GLCE: variants seen among roughly 807,000 people sequenced by gnomAD.
GLCE encodes glucuronic acid epimerase, also known as D-glucuronyl C5-epimerase.
A neutral mutation model predicts 47.9 loss-of-function variants in GLCE; 19 were observed. The observed-to-expected ratio is 0.40, with a 90% CI of 0.28 to 0.58. The LOEUF (loss-of-function observed/expected upper bound fraction) is 0.58. Among genes scored for constraint, GLCE ranks in the 20% least tolerant of loss-of-function variants. GLCE has a pLI of 0.48. For synonymous variants in GLCE, 245 were observed against 263.4 expected (o/e 0.93, Z 0.68); for missense variants, 556 against 743.3 (o/e 0.75, Z 2.93).
intron 4 of GLCE, among the ~76,000 whole-genome samples, chr15:69,267,299 A>G (rs960869585): frequency 2.6e-5 from 4 of 152,308 alleles, no homozygotes; most frequent in Middle Eastern, 3.4e-3. Context: ...CTTTCTTAAA[A>G]TCCTCACAAT....
chr15:69,231,371 C>T (rs937819000), intron 2 of GLCE, among the ~76,000 whole-genome samples: 1 of 151,694 alleles, frequency 6.6e-6, no homozygotes, highest in Non-Finnish European at 1.5e-5. Context: ...GTAAACTCCA[C>T]CTCCCGGGTT....
chr15:69,178,491 T>A (rs2051704798), intron 1 of GLCE, among the ~76,000 whole-genome samples: 1 of 152,126 alleles, frequency 6.6e-6, no homozygotes, highest in Admixed American at 6.5e-5. Context: ...ATCATCTACC[T>A]CAAGGGACTG....
At chr15:69,180,010 CCAAAAGAACG>C (rs566744595) in intron 1 of GLCE, among the ~76,000 whole-genome samples, 178 of 151,938 alleles carry the variant, frequency 1.2e-3, no homozygotes, top group African/African-American at 4.2e-3. Context: ...ATAACAAGTG[CCAAAAGAACG>C]TATTTATTGC....
chr15:69,212,858 A>G (rs534859416), intron 2 of GLCE, among the ~76,000 whole-genome samples: 2 of 152,212 alleles, frequency 1.3e-5, no homozygotes, highest in Admixed American at 6.5e-5. Flanking sequence ...ATTTATCCTC[A>G]TAGGAGACAG....
intron 2 of GLCE, among the ~76,000 whole-genome samples, chr15:69,252,941 T>C (rs2052866908): frequency 6.6e-6 from 1 of 152,194 alleles, no homozygotes; most frequent in Non-Finnish European, 1.5e-5. Context: ...TAAAAATGTA[T>C]TATTGGGTTT....
At chr15:69,221,283 A>G (rs1037313769) in intron 2 of GLCE, among the ~76,000 whole-genome samples, 2 of 152,222 alleles carry the variant, frequency 1.3e-5, no homozygotes, top group African/African-American at 4.8e-5. Context: ...CGTGAAAAAC[A>G]TGTCATCAGG....
chr15:69,180,326 C>T (rs921529248), intron 1 of GLCE, among the ~76,000 whole-genome samples: 2 of 151,968 alleles, frequency 1.3e-5, no homozygotes, highest in African/African-American at 4.8e-5. Context: ...CTGTAAGTAC[C>T]TCAGTGAACA....
At chr15:69,217,563 G>A (rs2052323671) in intron 2 of GLCE, among the ~76,000 whole-genome samples, 1 of 152,088 alleles carries the variant, frequency 6.6e-6, no homozygotes, top group Non-Finnish European at 1.5e-5. Flanking sequence ...AATTGAGTAT[G>A]CTTTAGAACC....
chr15:69,179,074 T>C (rs1426703992), intron 1 of GLCE, among the ~76,000 whole-genome samples: 1 of 152,214 alleles, frequency 6.6e-6, no homozygotes, highest in Admixed American at 6.5e-5. Flanking sequence ...CACATGCATA[T>C]GCACACATTA....
intron 1 of GLCE, among the ~76,000 whole-genome samples, chr15:69,182,385 A>AAGAG (rs148023337): frequency 1.3e-4 from 19 of 144,200 alleles, no homozygotes; most frequent in African/African-American, 2.0e-4. Context: ...ATTGCGCTGA[A>AAGAG]AGAGAGAGAG....
At chr15:69,219,615 T>C (rs2052352547) in intron 2 of GLCE, among the ~76,000 whole-genome samples, 1 of 152,156 alleles carries the variant, frequency 6.6e-6, no homozygotes, top group Non-Finnish European at 1.5e-5. Context: ...CATTAAACTC[T>C]AGATCTTATT....
intron 3 of GLCE, among the ~76,000 whole-genome samples, chr15:69,260,260 T>G (rs1005812833): frequency 2.1e-5 from 3 of 142,152 alleles, no homozygotes; most frequent in Admixed American, 1.4e-4. Context: ...TGGTTTTTTT[T>G]TTTTTTTTTT....
intron 2 of GLCE, among the ~76,000 whole-genome samples, chr15:69,231,925 TGG>T (rs1448478237): frequency 3.3e-5 from 5 of 152,118 alleles, no homozygotes; most frequent in African/African-American, 4.8e-5. Context: ...CCCAAGCAGC[TGG>T]GATTACAGGT....
rs775153471 is a variant in GLCE, at chr15:69,193,666, G to A, written c.-104-16650G>A. Among the ~76,000 whole-genome samples, 9 of 151,852 alleles carry A rather than the reference G, an allele frequency of 5.9e-5. 1 individual carries two copies. The highest frequency in any genetic ancestry group is 9.7e-5 in the African/African-American group (4 of 41,390). On this transcript the variant is annotated intron_variant, in intron 1 of 4. Transcript: ENST00000261858. ...CCAAGGAGGGTGAGGCAAGGGGGGC[G>A]CCTAAGGTACAAAATTTAAGGAGAC... is the stretch of plus-strand genomic sequence containing the variant.
chr15:69,245,312 G>A (rs2052730897), intron 2 of GLCE, among the ~76,000 whole-genome samples: 1 of 121,042 alleles, frequency 8.3e-6, no homozygotes, highest in Admixed American at 1.1e-4. Flanking sequence ...CAGCCTGGGA[G>A]ACAGAGCAAG....
In GLCE at chr15:69,210,405, A is replaced by C. The variant is rs1344020343; in HGVS notation, c.-15A>C. 6.6e-6 allele frequency: 1 copy of C among 152,124 alleles called. No homozygotes were observed. The highest frequency in any genetic ancestry group is 2.1e-4 in the South Asian group (1 of 4,822). The allele number at this position is 152,124 out of a possible 1,614,324, so 9.4% of individuals were successfully genotyped here. A position where few individuals can be genotyped will look rare whatever the true frequency, so the allele number is the denominator to read the frequency against. On this transcript the variant is annotated splice_region_variant and 5_prime_UTR_variant, in exon 2 of 5. Transcript: ENST00000261858. ...GAGTTTAGATTCTTTCATTTGATTA[A>C]GGTAAGATTGTTTGATAAAATTTAA...
At position 69,269,272 on chromosome 15, in the gene GLCE, C is replaced by T. The variant is rs750246001; in HGVS notation, c.*28C>T. 2.5e-5 allele frequency: 40 copies of T among 1,575,270 alleles called. No homozygotes were observed. Among genetic ancestry groups the T allele is most frequent in the Non-Finnish European group, 3.2e-5 (37 of 1,147,600 alleles). On this transcript the variant is annotated 3_prime_UTR_variant, in exon 5 of 5. Coordinates refer to ENST00000261858, the MANE Select transcript of GLCE (RefSeq NM_015554.3). Reference sequence around the variant, plus strand: ...CTCACAACCAAAACTGCACTTCAGCCTCTGCTGTACACAGAAACTACAGGC... The same window carrying T: ...CTCACAACCAAAACTGCACTTCAGCTTCTGCTGTACACAGAAACTACAGGC...
At chr15:69,187,882 G>A (rs1041048544) in intron 1 of GLCE, among the ~76,000 whole-genome samples, 2 of 152,028 alleles carry the variant, frequency 1.3e-5, no homozygotes, top group African/African-American at 4.8e-5. Context: ...GGCCAACATG[G>A]TGAAACCCCG....
At chr15:69,229,519 G>A (rs2052492037) in intron 2 of GLCE, among the ~76,000 whole-genome samples, 1 of 152,100 alleles carries the variant, frequency 6.6e-6, no homozygotes, top group Non-Finnish European at 1.5e-5. Flanking sequence ...TATATGAATG[G>A]ATATAAAAGT....
Sources: gnomAD v4.1 joint callset for allele counts (sites outside exome capture counted in the v4.1 genomes callset) on GRCh38, gnomAD v4.1.1 for gene constraint, MANE v1.5 for transcripts, NCBI Gene and HGNC (gene_info 2026-07-23, HGNC 2026-07-21) for gene names.